TMC7: variants seen among roughly 807,000 people sequenced by gnomAD.
The protein encoded by TMC7 is transmembrane channel-like protein 7.
In TMC7, 54 loss-of-function variants were observed where a neutral mutation model predicts 82.9. The ratio of observed to expected loss-of-function variants is 0.65; its 90% CI spans 0.52 to 0.82. The LOEUF (loss-of-function observed/expected upper bound fraction) is 0.82. TMC7 is among the 40% of genes least tolerant of loss of function. The pLI is 0.00. For missense variants in TMC7, 820 were observed against 901.2 expected (o/e 0.91, Z 1.15); for synonymous variants, 350 against 337.9 (o/e 1.04, Z -0.39).
rs35769515 is a variant in TMC7 at position 19,027,061 on chromosome 16, C to CTTTT, written c.712-3140_712-3137dup. The stretch of plus-strand genomic sequence containing the variant: ...ACAGGCATGAGCCACCACACCTGAC[C>CTTTT]TTTTTTTTTTTTTTTTTTTTTTTTT... On this transcript the variant is annotated intron_variant, in intron 5 of 15. Coordinates refer to ENST00000304381, the MANE Select transcript of TMC7 (RefSeq NM_024847.4). Among the ~76,000 whole-genome samples, 86 of 56,580 alleles carry CTTTT rather than the reference C, an allele frequency of 1.5e-3. 15 individuals carry two copies. Among genetic ancestry groups the CTTTT allele is most frequent in the East Asian group, 7.5e-3 (10 of 1,328 alleles). 37.1% of individuals were successfully genotyped at this position (56,580 alleles called of 152,430 possible).
chr16:19,033,015 T>C (rs1960589535), intron 6 of TMC7, among the ~76,000 whole-genome samples: 2 of 152,092 alleles, frequency 1.3e-5, no homozygotes, highest in Non-Finnish European at 2.9e-5. Context: ...GGGAAGGTCA[T>C]GGAGGGAGGG....
chr16:18,987,380 G>A (rs1365842140), intron 1 of TMC7, among the ~76,000 whole-genome samples: 10 of 151,762 alleles, frequency 6.6e-5, no homozygotes, highest in Non-Finnish European at 1.3e-4. Flanking sequence ...GCGCGATCTC[G>A]GCTCACCACA....
At chr16:19,041,746 C>G in intron 9 of TMC7, among the ~76,000 whole-genome samples, 1 of 152,290 alleles carries the variant, frequency 6.6e-6, no homozygotes, top group East Asian at 1.9e-4. Flanking sequence ...TTGAGGCGGT[C>G]TCCCCAGTGG....
In TMC7 at chr16:19,044,922, T is replaced by A; in HGVS notation, c.1376T>A (p.Val459Glu). The part of the protein sequence containing the change: ...FMRLATICVL[V>E]FTLGSKITSC... ...CGGCTGGCCACCATATGTGTCCTGG[T>A]GTTCACGCTGGGCTCCAAGATCACA... is the stretch of plus-strand genomic sequence containing the variant. The change falls in exon 10 of 16, where the codon GTG (valine) becomes GAG (glutamate). Residue 459 changes from valine to glutamate, a missense_variant. Physicochemically the swap from Val to Glu is moderately radical, Grantham distance 121. Transcript: ENST00000304381. 6.2e-7 allele frequency: 1 copy of A among 1,613,964 alleles called. No individual in the cohort carries two copies. Among genetic ancestry groups the A allele is most frequent in the Non-Finnish European group, 8.5e-7 (1 of 1,180,006 alleles).
In TMC7 at chr16:19,061,902, C is replaced by G. The variant is rs1022898344; in HGVS notation, c.*59C>G. 370 of 1,473,062 alleles carry G rather than the reference C, an allele frequency of 2.5e-4. 2 individuals carry two copies. Among genetic ancestry groups the G allele is most frequent in the Non-Finnish European group, 3.4e-4 (362 of 1,067,802 alleles). 91.2% of individuals were successfully genotyped at this position (1,473,062 alleles called of 1,614,324 possible). On this transcript the variant is annotated 3_prime_UTR_variant, in exon 16 of 16. Coordinates refer to ENST00000304381, the MANE Select transcript of TMC7 (RefSeq NM_024847.4). Reference sequence around the variant, plus strand: ...CTTCTAAGCTGACCTAGTGATTCTGCTGAGCCTACAGAGTCTACCTGGGTT... The same window carrying G: ...CTTCTAAGCTGACCTAGTGATTCTGGTGAGCCTACAGAGTCTACCTGGGTT...
chr16:18,989,308 G>A (rs368789614), intron 1 of TMC7, among the ~76,000 whole-genome samples: 2 of 152,218 alleles, frequency 1.3e-5, no homozygotes, highest in East Asian at 3.9e-4. Context: ...TGACCCACCC[G>A]TCTGACTCGA....
Position 19,021,627 on chromosome 16 carries a change from A to G in TMC7, c.461-2A>G, listed in dbSNP as rs933844781. The G allele has an allele frequency of 3.9e-5, 63 of 1,613,780 alleles. No individual in the cohort carries two copies. The highest frequency in any genetic ancestry group is 5.1e-5 in the Non-Finnish European group (60 of 1,179,940). ...AGTGATGTCCGGGTTTGTTTTTTCC[A>G]GGGAAATTTGGCACTGGGATTCAGT... On this transcript the variant is annotated splice_acceptor_variant, in intron 3 of 15. Transcript: ENST00000304381. LOFTEE classifies it high-confidence loss of function.
chr16:19,049,349 AAGCTGAAG>A (rs1961422884), intron 12 of TMC7, among the ~76,000 whole-genome samples: 1 of 152,112 alleles, frequency 6.6e-6, no homozygotes, highest in Admixed American at 6.6e-5. Context: ...ATAAATTAGG[AAGCTGAAG>A]TTCAGAGAAA....
chr16:18,997,731 T>C (rs1229387272), intron 1 of TMC7, among the ~76,000 whole-genome samples: 303 of 3,068 alleles, frequency 0.099, 2 homozygotes, highest in Admixed American at 0.23. Context: ...AATCCAGCCT[T>C]TTTTTTTTTT....
At chr16:19,031,255 C>G (rs1472263262) in intron 6 of TMC7, among the ~76,000 whole-genome samples, 2 of 152,154 alleles carry the variant, frequency 1.3e-5, no homozygotes, top group Non-Finnish European at 2.9e-5. Flanking sequence ...CATTCAGGTT[C>G]CCAGCCGTGA....
chr16:19,039,342 C>G (rs543279927), intron 8 of TMC7, among the ~76,000 whole-genome samples: 2 of 152,148 alleles, frequency 1.3e-5, no homozygotes, highest in African/African-American at 4.8e-5. Context: ...CCACCTGTCT[C>G]AGCATCCCAA....
chr16:19,036,089 C>T (rs1960734862), intron 7 of TMC7, among the ~76,000 whole-genome samples: 1 of 152,120 alleles, frequency 6.6e-6, no homozygotes, highest in African/African-American at 2.4e-5. Flanking sequence ...GATGTCTTTC[C>T]CCACACCCTG....
chr16:19,020,038 G>T (rs115131507), intron 3 of TMC7, among the ~76,000 whole-genome samples: 1,907 of 152,136 alleles, frequency 0.013, 21 homozygotes, highest in Middle Eastern at 0.051. Flanking sequence ...CTAGCGGAAG[G>T]TTGGTTTTCT....
Position 19,023,182 on chromosome 16 carries a change from T to C in TMC7, c.698T>C (p.Leu233Ser), listed in dbSNP as rs1245097653. 6.3e-7 allele frequency: 1 copy of C among 1,598,688 alleles called. No homozygotes were observed. The highest frequency in any genetic ancestry group is 2.2e-5 in the East Asian group (1 of 44,774). ...TACTTTTACAGTTATATCATAGACT[T>C]GCTTTCTGGCACTGTAAGTATTTAA... ...LIYFYSYIID[L>S]LSGTGFLEET... Residue 233 changes from leucine (L) to serine (S), a missense_variant, in exon 5 of 16, where the codon TTG becomes TCG. By Grantham distance (145) the Leu-to-Ser change is moderately radical. Transcript: ENST00000304381.
intron 15 of TMC7, 127 bp from the exon 16 acceptor site, chr16:19,061,648 CAAT>C: frequency 1.4e-6 from 1 of 693,462 alleles, no homozygotes; most frequent in Non-Finnish European, 2.4e-6. Context: ...GGAGCAGACA[CAAT>C]GACAGACCAG....
intron 12 of TMC7, among the ~76,000 whole-genome samples, chr16:19,050,562 C>T (rs1158035533): frequency 6.6e-6 from 1 of 151,942 alleles, no homozygotes; most frequent in African/African-American, 2.4e-5. Flanking sequence ...TGATACAGCT[C>T]ACTACAGCCT....
intron 1 of TMC7, among the ~76,000 whole-genome samples, chr16:19,005,456 G>A (rs768610755): frequency 3.3e-5 from 5 of 152,202 alleles, no homozygotes; most frequent in African/African-American, 4.8e-5. Context: ...AGCCAGTGTT[G>A]TTCATGTTGT....
intron 14 of TMC7, among the ~76,000 whole-genome samples, chr16:19,057,249 A>G (rs1241048703): frequency 6.6e-6 from 1 of 152,214 alleles, no homozygotes; most frequent in Non-Finnish European, 1.5e-5. Flanking sequence ...GCTTATAAAA[A>G]GCTAATATAT....
At position 18,994,115 on chromosome 16, in the gene TMC7, G is replaced by T. The variant is rs562586750; in HGVS notation, c.67+9985G>T. ...GAGGCTGGATTGAAGTCCAGGCCAG[G>T]AACAATGGTAAGTGTGGGAGACTCA... On this transcript the variant is annotated intron_variant, in intron 1 of 15. Transcript: ENST00000304381. Among the ~76,000 whole-genome samples, 14 of 152,238 alleles carry T rather than the reference G, an allele frequency of 9.2e-5. No individual in the cohort carries two copies. In the South Asian group the frequency reaches 2.9e-3, roughly 32 times the overall value.
Sources: gnomAD v4.1 joint callset for allele counts (sites outside exome capture counted in the v4.1 genomes callset) on GRCh38, gnomAD v4.1.1 for gene constraint, MANE v1.5 for transcripts, NCBI Gene and HGNC (gene_info 2026-07-23, HGNC 2026-07-21) for gene names.